The following GRIK1 variants were observed in gnomAD, a reference collection of about 807,000 sequenced individuals.
GRIK1 encodes glutamate ionotropic receptor kainate type subunit 1.
A neutral mutation model predicts 105.7 loss-of-function variants in GRIK1; 69 were observed. The ratio of observed to expected loss-of-function variants is 0.65; its 90% CI spans 0.54 to 0.80. The LOEUF (loss-of-function observed/expected upper bound fraction) is 0.80, where lower values mean the gene tolerates loss of function less well. Ranked by LOEUF, GRIK1 falls within the 30% of genes least tolerant of loss-of-function variation. GRIK1 has a pLI of 0.00. For missense variants in GRIK1, 1,109 were observed against 1,167.3 expected, an observed-to-expected ratio of 0.95 and a Z score of 0.73; for synonymous variants, 438 against 431.3, an observed-to-expected ratio of 1.02 and a Z score of -0.19.
intron 1 of GRIK1, among the ~76,000 whole-genome samples, chr21:29,857,827 C>T (rs1213525780): frequency 2.0e-5 from 3 of 152,180 alleles, no homozygotes; most frequent in Admixed American, 6.6e-5. Flanking sequence ...AAGACTTTAA[C>T]CACCTTCAGC....
At chr21:29,896,518 G>A (rs940565718) in intron 1 of GRIK1, among the ~76,000 whole-genome samples, 1 of 152,064 alleles carries the variant, frequency 6.6e-6, no homozygotes, top group Non-Finnish European at 1.5e-5. Context: ...GAATATATAG[G>A]CACTCAAAAA....
intron 1 of GRIK1, among the ~76,000 whole-genome samples, chr21:29,828,122 G>A (rs998693783): frequency 2.6e-5 from 4 of 151,648 alleles, no homozygotes; most frequent in Admixed American, 6.6e-5. Flanking sequence ...GACAACAAAA[G>A]CAGAAGCTAC....
chr21:29,696,214 T>C (rs2063699213), intron 1 of GRIK1, among the ~76,000 whole-genome samples: 1 of 152,166 alleles, frequency 6.6e-6, no homozygotes, highest in Non-Finnish European at 1.5e-5. Flanking sequence ...GACATTCAGG[T>C]ATAGATAATT....
In GRIK1 at chr21:29,766,092, G is replaced by A. The variant is rs561091366; in HGVS notation, c.119-72029C>T. 5.9e-4 allele frequency among the ~76,000 whole-genome samples: 90 copies of A among 152,056 alleles called. 1 individual carries two copies. Among genetic ancestry groups the A allele is most frequent in the Non-Finnish European group, 9.6e-4 (65 of 67,992 alleles). On this transcript the variant is annotated intron_variant, in intron 1 of 17. Coordinates refer to ENST00000327783, the MANE Select transcript of GRIK1 (RefSeq NM_001330994.2). ...TCTCGATCTCCTGACTTCGTGATCCGGCCGCCTTGGCCTCCAAAAGTGCTG... is the reference window on the plus strand; with the variant it reads ...TCTCGATCTCCTGACTTCGTGATCCAGCCGCCTTGGCCTCCAAAAGTGCTG...
At chr21:29,893,610 G>A (rs1402274556) in intron 1 of GRIK1, among the ~76,000 whole-genome samples, 1 of 152,168 alleles carries the variant, frequency 6.6e-6, no homozygotes, top group Non-Finnish European at 1.5e-5. Context: ...CTGGATAAAT[G>A]CTCACTATAT....
At chr21:29,644,374 A>T (rs1460015377) in intron 6 of GRIK1, among the ~76,000 whole-genome samples, 1 of 152,246 alleles carries the variant, frequency 6.6e-6, no homozygotes, top group Non-Finnish European at 1.5e-5. Flanking sequence ...GGTGACTAAC[A>T]TGGTTCCTGA....
chr21:29,903,418 A>T (rs1042779408), intron 1 of GRIK1, among the ~76,000 whole-genome samples: 2 of 152,238 alleles, frequency 1.3e-5, no homozygotes, highest in East Asian at 1.9e-4. Context: ...TCTACAAAGA[A>T]CTTAAACAAA....
chr21:29,685,908 T>C (rs535017354), intron 3 of GRIK1, among the ~76,000 whole-genome samples: 5 of 152,158 alleles, frequency 3.3e-5, no homozygotes, highest in Non-Finnish European at 7.4e-5. Context: ...AAAAGCAAGA[T>C]ATAAAATCTA....
At chr21:29,890,326 C>T (rs1415172516) in intron 1 of GRIK1, among the ~76,000 whole-genome samples, 2 of 152,106 alleles carry the variant, frequency 1.3e-5, no homozygotes, top group Non-Finnish European at 2.9e-5. Flanking sequence ...ATCAATTTTT[C>T]ACTTACTTTG....
chr21:29,657,336 G>A (rs1159513162), intron 4 of GRIK1: 2 of 152,158 alleles, frequency 1.3e-5, no homozygotes, highest in South Asian at 2.1e-4. Context: ...TAAGAGATAA[G>A]CATTTTTTTA....
At chr21:29,577,507 C>T (rs2090923699) in intron 13 of GRIK1, among the ~76,000 whole-genome samples, 2 of 152,152 alleles carry the variant, frequency 1.3e-5, no homozygotes, top group East Asian at 1.9e-4. Context: ...CCTTTTATTA[C>T]TGTCTAAATG....
At chr21:29,718,017 G>T (rs2064221124) in intron 1 of GRIK1, among the ~76,000 whole-genome samples, 1 of 152,106 alleles carries the variant, frequency 6.6e-6, no homozygotes, top group Admixed American at 6.6e-5. Context: ...TTTTATAAGG[G>T]ACATTTCCCC....
intron 15 of GRIK1, among the ~76,000 whole-genome samples, chr21:29,555,660 C>T (rs1742067250): frequency 6.6e-6 from 1 of 152,160 alleles, no homozygotes. Context: ...TCTAAGCCCC[C>T]ATTGACTGAA....
At chr21:29,777,210 C>T (rs2065969924) in intron 1 of GRIK1, among the ~76,000 whole-genome samples, 1 of 152,110 alleles carries the variant, frequency 6.6e-6, no homozygotes, top group Non-Finnish European at 1.5e-5. Flanking sequence ...TTGGGGTTCA[C>T]CTAGAGGGAA....
intron 1 of GRIK1, among the ~76,000 whole-genome samples, chr21:29,741,035 G>T (rs1338075978): frequency 6.6e-6 from 1 of 152,132 alleles, no homozygotes; most frequent in African/African-American, 2.4e-5. Flanking sequence ...GTACTACCAG[G>T]GCGATGTGTA....
chr21:29,753,371 G>A (rs1267980423), intron 1 of GRIK1, among the ~76,000 whole-genome samples: 1 of 152,086 alleles, frequency 6.6e-6, no homozygotes, highest in African/African-American at 2.4e-5. Context: ...CACATACTTG[G>A]CTTCCTTGGC....
rs199725762 is a variant in GRIK1, at chr21:29,588,839, G to A, written c.1569C>T (p.His523=). The change falls in exon 11 of 18, where the codon CAC becomes CAT. Residue 523 remains histidine (H), a splice_region_variant and synonymous_variant. Coordinates refer to ENST00000327783, the MANE Select transcript of GRIK1 (RefSeq NM_001330994.2). ...ATATGTTAGAAATATTGTTACTTAC[G>A]TGATCTATGAGTTCTTTAACCATCC... ...WNGMVKELID[H]RADLAVAPLT... is the part of the protein sequence containing the mutation. 2.0e-6 allele frequency: 3 copies of A among 1,503,490 alleles called. No homozygotes were observed. Among genetic ancestry groups the A allele is most frequent in the Non-Finnish European group, 1.9e-6 (2 of 1,080,666 alleles). 93.1% of individuals were successfully genotyped at this position (1,503,490 alleles called of 1,614,324 possible).
At chr21:29,687,556 G>A (rs761177713) in intron 3 of GRIK1, among the ~76,000 whole-genome samples, 13 of 152,066 alleles carry the variant, frequency 8.5e-5, no homozygotes, top group Non-Finnish European at 1.6e-4. Flanking sequence ...CTCTCAATGG[G>A]CGACATACGA....
intron 1 of GRIK1, among the ~76,000 whole-genome samples, chr21:29,799,308 C>A (rs2066641244): frequency 2.0e-5 from 3 of 152,156 alleles, no homozygotes; most frequent in African/African-American, 7.2e-5. Context: ...ATATGTAAAA[C>A]CACATGGCGC....
Sources: gnomAD v4.1 joint callset for allele counts (sites outside exome capture counted in the v4.1 genomes callset) on GRCh38, gnomAD v4.1.1 for gene constraint, MANE v1.5 for transcripts, NCBI Gene and HGNC (gene_info 2026-07-23, HGNC 2026-07-21) for gene names.